FBXL2: variants seen among roughly 807,000 people sequenced by gnomAD.
FBXL2 encodes F-box and leucine rich repeat protein 2.
In FBXL2, 38 loss-of-function variants were observed where a neutral mutation model predicts 69.2. The ratio of observed to expected loss-of-function variants is 0.55; its 90% CI spans 0.42 to 0.72. FBXL2 has a LOEUF of 0.72. Ranked by LOEUF, FBXL2 falls within the 30% of genes least tolerant of loss-of-function variation. The pLI, the probability that FBXL2 is intolerant of heterozygous loss-of-function variation, is 0.00. For synonymous variants in FBXL2, 192 were observed against 201.3 expected, an observed-to-expected ratio of 0.95 and a Z score of 0.39; for missense variants, 354 against 520.3, an observed-to-expected ratio of 0.68 and a Z score of 3.11.
chr3:33,402,371 A>T (rs907110254), intron 12 of FBXL2, among the ~76,000 whole-genome samples: 3 of 152,188 alleles, frequency 2.0e-5, no homozygotes, highest in African/African-American at 4.8e-5. Context: ...AGATTTAATT[A>T]AAAAAATAGC....
chr3:33,333,310 G>A (rs970262133), intron 2 of FBXL2, among the ~76,000 whole-genome samples: 16 of 152,258 alleles, frequency 1.1e-4, no homozygotes, highest in African/African-American at 3.9e-4. Context: ...ACAAGATGGA[G>A]CCAAAATAGT....
At chr3:33,304,909 C>G (rs943478914) in intron 2 of FBXL2, among the ~76,000 whole-genome samples, 1 of 151,948 alleles carries the variant, frequency 6.6e-6, no homozygotes, top group Non-Finnish European at 1.5e-5. Context: ...TGTTGAGCAT[C>G]TGTTCATATG....
At chr3:33,337,762 C>G (rs750935355) in intron 2 of FBXL2, among the ~76,000 whole-genome samples, 1 of 152,130 alleles carries the variant, frequency 6.6e-6, no homozygotes. Flanking sequence ...ACAACTTCAG[C>G]GAAGTTTCAG....
intron 2 of FBXL2, among the ~76,000 whole-genome samples, chr3:33,319,283 A>C (rs1460391084): frequency 2.6e-5 from 4 of 152,016 alleles, no homozygotes; most frequent in Non-Finnish European, 1.5e-5. Context: ...ATTGAAAATA[A>C]TTTTTTATAT....
chr3:33,296,875 G>A (rs185012271), intron 1 of FBXL2, among the ~76,000 whole-genome samples: 6 of 152,080 alleles, frequency 3.9e-5, no homozygotes, highest in Admixed American at 3.9e-4. Flanking sequence ...AGTTAATCTG[G>A]GTCCCTTGCA....
chr3:33,418,365 CT>C, the FBXL2 span, among the ~76,000 whole-genome samples: 1 of 152,006 alleles, frequency 6.6e-6, no homozygotes, highest in East Asian at 2.0e-4. Context: ...GCAATTCTCC[CT>C]GCCTTGGACT....
chr3:33,370,825 T>G (rs1424029903), intron 5 of FBXL2, among the ~76,000 whole-genome samples: 1 of 152,190 alleles, frequency 6.6e-6, no homozygotes, highest in Non-Finnish European at 1.5e-5. Flanking sequence ...TATGCCTTGG[T>G]GTGTTTTTCT....
intron 2 of FBXL2, chr3:33,303,302 C>A: frequency 2.5e-6 from 1 of 400,828 alleles, no homozygotes. Context: ...CAGTGTGGGA[C>A]TGAATAAATG....
At chr3:33,343,390 C>G (rs1432385357) in intron 2 of FBXL2, among the ~76,000 whole-genome samples, 1 of 151,228 alleles carries the variant, frequency 6.6e-6, no homozygotes, top group Admixed American at 6.6e-5. Flanking sequence ...ACTGAAACTT[C>G]AGCCTAGTGA....
At chr3:33,411,059 T>C in the FBXL2 span, among the ~76,000 whole-genome samples, 1 of 131,768 alleles carries the variant, frequency 7.6e-6, no homozygotes, top group East Asian at 2.1e-4. Context: ...GGTGACAGAA[T>C]GAAACTCCAT....
chr3:33,378,648 T>C, intron 12 of FBXL2, 37 bp from the exon 13 acceptor site: 8 of 1,597,368 alleles, frequency 5.0e-6, no homozygotes, highest in Non-Finnish European at 6.8e-6. Context: ...TAAGTTCTGG[T>C]GTAGAAGCCA....
chr3:33,393,227 G>A, intron 12 of FBXL2: 1 of 1,339,028 alleles, frequency 7.5e-7, no homozygotes. Context: ...TTCAAAAGAG[G>A]TCACAGAATT....
At chr3:33,392,455 AATGAG>A, downstream of FBXL2, 3 of 953,160 alleles carry the variant, frequency 3.1e-6, no homozygotes, top group Non-Finnish European at 4.5e-6. Flanking sequence ...TTCTTCTTAA[AATGAG>A]TAAAGCAATC....
At chr3:33,286,890 C>A (rs533076389) in intron 1 of FBXL2, among the ~76,000 whole-genome samples, 1 of 152,184 alleles carries the variant, frequency 6.6e-6, no homozygotes, top group Non-Finnish European at 1.5e-5. Flanking sequence ...ATTGGAAAAG[C>A]GCAGTATTAG....
intron 2 of FBXL2, among the ~76,000 whole-genome samples, chr3:33,313,242 T>G (rs2037375338): frequency 6.6e-6 from 1 of 151,822 alleles, no homozygotes; most frequent in Non-Finnish European, 1.5e-5. Context: ...AAATAGATAA[T>G]CTAAAGAATT....
chr3:33,305,713 AT>A (rs2036655492), intron 2 of FBXL2, among the ~76,000 whole-genome samples: 2 of 151,792 alleles, frequency 1.3e-5, no homozygotes, highest in African/African-American at 4.8e-5. Context: ...TATTACTTTA[AT>A]TTGTTAGAAA....
chr3:33,411,568 TA>T, the FBXL2 span: 3 of 1,612,596 alleles, frequency 1.9e-6, no homozygotes, highest in South Asian at 1.1e-5. Context: ...TCTAATAATG[TA>T]AAAATCCAAA....
chr3:33,326,021 ATATT>A (rs980251529), intron 2 of FBXL2, among the ~76,000 whole-genome samples: 2 of 152,218 alleles, frequency 1.3e-5, no homozygotes, highest in African/African-American at 4.8e-5. Context: ...CTCTCTTTAA[ATATT>A]TATTTATTAG....
rs1236569423 is a variant in FBXL2 at position 33,385,442 on chromosome 3, G to A, written c.1165-59G>A. On this transcript the variant is annotated intron_variant, in intron 14 of 14. Coordinates refer to ENST00000484457, the MANE Select transcript of FBXL2 (RefSeq NM_012157.5). ...GGACTATAGGTTTTTCTAGAATTAT[G>A]ACTATAATCCTAAAAATAGTAATGT... 2.2e-6 allele frequency: 3 copies of A among 1,391,902 alleles called. No individual in the cohort carries two copies. The African/African-American group carries it at 4.3e-5, about 20-fold the overall frequency. 86.2% of individuals were successfully genotyped at this position (1,391,902 alleles called of 1,614,324 possible). A position where few individuals can be genotyped will look rare whatever the true frequency, so the allele number is the denominator to read the frequency against.
Sources: gnomAD v4.1 joint callset for allele counts (sites outside exome capture counted in the v4.1 genomes callset) on GRCh38, gnomAD v4.1.1 for gene constraint, MANE v1.5 for transcripts, NCBI Gene and HGNC (gene_info 2026-07-23, HGNC 2026-07-21) for gene names.